Variants in ANGPT1 observed in about 807,000 individuals in gnomAD.
ANGPT1 encodes angiopoietin 1, also known as angiopoietin-1.
A neutral mutation model predicts 62.2 loss-of-function variants in ANGPT1; 17 were observed. That is an observed-to-expected ratio of 0.27 (90% CI 0.19 to 0.41). ANGPT1 has a LOEUF of 0.41. Among genes scored for constraint, ANGPT1 ranks in the 10% least tolerant of loss-of-function variants. The probability of loss-of-function intolerance (pLI) is 1.00; values close to 1 mark genes in which losing one functional copy is unlikely to be tolerated. For missense variants in ANGPT1, 478 were observed against 594.9 expected, an observed-to-expected ratio of 0.80 and a Z score of 2.04; for synonymous variants, 199 against 198.9, an observed-to-expected ratio of 1.00 and a Z score of 0.00.
intron 1 of ANGPT1, among the ~76,000 whole-genome samples, chr8:107,383,815 G>A (rs1464963183): frequency 4.6e-5 from 7 of 152,204 alleles, no homozygotes; most frequent in South Asian, 4.1e-4. Context: ...CAAGCATATT[G>A]TTCTATTGTT....
chr8:107,394,306 T>C (rs977438502), intron 1 of ANGPT1, among the ~76,000 whole-genome samples: 30 of 152,144 alleles, frequency 2.0e-4, no homozygotes, highest in African/African-American at 6.8e-4. Flanking sequence ...AGTTGACTCT[T>C]ACTAGAATAT....
At chr8:107,417,118 GAGA>G (rs1203193090) in intron 1 of ANGPT1, among the ~76,000 whole-genome samples, 4 of 152,098 alleles carry the variant, frequency 2.6e-5, no homozygotes, top group Non-Finnish European at 4.4e-5. Flanking sequence ...CTCAAAGACA[GAGA>G]AGATTAGAGT....
intron 1 of ANGPT1, among the ~76,000 whole-genome samples, chr8:107,403,045 T>A (rs934954135): frequency 2.0e-5 from 3 of 152,166 alleles, no homozygotes; most frequent in Non-Finnish European, 2.9e-5. Context: ...CCAATAGTTG[T>A]TTTTCAGCCC....
intron 1 of ANGPT1, among the ~76,000 whole-genome samples, chr8:107,425,853 T>C (rs1166923021): frequency 6.6e-6 from 1 of 152,158 alleles, no homozygotes; most frequent in Admixed American, 6.5e-5. Context: ...AATCTTGGTA[T>C]CCTTTTCAAC....
At chr8:107,493,940 G>T (rs1011816448) in intron 1 of ANGPT1, among the ~76,000 whole-genome samples, 10 of 150,418 alleles carry the variant, frequency 6.6e-5, no homozygotes, top group African/African-American at 2.5e-4. Context: ...AAAAAATGTT[G>T]TCAATAGAAA....
chr8:107,304,196 A>G (rs1371685156), intron 4 of ANGPT1, among the ~76,000 whole-genome samples: 1 of 151,758 alleles, frequency 6.6e-6, no homozygotes, highest in African/African-American at 2.4e-5. Flanking sequence ...GACTGTCTCT[A>G]CTGAGGAAAA....
chr8:107,456,193 C>T (rs747913392), intron 1 of ANGPT1, among the ~76,000 whole-genome samples: 3 of 152,078 alleles, frequency 2.0e-5, no homozygotes, highest in Non-Finnish European at 2.9e-5. Context: ...ATTTGGTCAA[C>T]GTTAAAACAG....
chr8:107,412,007 T>A (rs2130357503), intron 1 of ANGPT1, among the ~76,000 whole-genome samples: 1 of 152,272 alleles, frequency 6.6e-6, no homozygotes, highest in African/African-American at 2.4e-5. Context: ...ATAATTAGTT[T>A]TTCTTTGAAG....
intron 1 of ANGPT1, among the ~76,000 whole-genome samples, chr8:107,443,387 C>T (rs765982036): frequency 3.5e-4 from 54 of 152,134 alleles, no homozygotes; most frequent in Non-Finnish European, 8.8e-5. Flanking sequence ...AGTTAATTAG[C>T]TAATGTTAGG....
chr8:107,310,187 G>A (rs2130006519), intron 4 of ANGPT1, among the ~76,000 whole-genome samples: 1 of 152,128 alleles, frequency 6.6e-6, no homozygotes, highest in African/African-American at 2.4e-5. Flanking sequence ...CACTTACTAT[G>A]TGGTAAACTC....
intron 1 of ANGPT1, among the ~76,000 whole-genome samples, chr8:107,465,354 G>A (rs1812173364): frequency 6.6e-6 from 1 of 152,090 alleles, no homozygotes; most frequent in Non-Finnish European, 1.5e-5. Context: ...TCCAGGTCTG[G>A]AAATGTTGTT....
intron 1 of ANGPT1, among the ~76,000 whole-genome samples, chr8:107,417,884 G>A (rs1810793978): frequency 6.6e-6 from 1 of 152,190 alleles, no homozygotes; most frequent in Admixed American, 6.5e-5. Context: ...TAAGTCTACA[G>A]TGTGAAATGA....
chr8:107,421,259 A>G (rs1223956024), intron 1 of ANGPT1, among the ~76,000 whole-genome samples: 1 of 152,192 alleles, frequency 6.6e-6, no homozygotes, highest in Admixed American at 6.6e-5. Flanking sequence ...ATTGTGAGTG[A>G]AAAATTGTCT....
rs78888778 is a variant in ANGPT1, at chr8:107,449,643, C to T, written c.297+47619G>A. On this transcript the variant is annotated intron_variant, in intron 1 of 8. Coordinates refer to ENST00000517746, the MANE Select transcript of ANGPT1 (RefSeq NM_001146.5). ...TTACCACTTCATCAAACTTTGTAGC[C>T]AGATGTACCTTACCTTGGAATAACT... Among the ~76,000 whole-genome samples, 1,171 of 152,124 alleles carry T rather than the reference C, an allele frequency of 7.7e-3. 15 individuals carry two copies. Among genetic ancestry groups the T allele is most frequent in the African/African-American group, 0.027 (1,128 of 41,528 alleles).
intron 1 of ANGPT1, among the ~76,000 whole-genome samples, chr8:107,388,069 A>C (rs1013108899): frequency 1.3e-5 from 2 of 151,580 alleles, no homozygotes; most frequent in Non-Finnish European, 2.9e-5. Context: ...ATGAGATGAA[A>C]ATTTTTTTAT....
chr8:107,442,391 T>C (rs1335025288), intron 1 of ANGPT1, among the ~76,000 whole-genome samples: 1 of 152,226 alleles, frequency 6.6e-6, no homozygotes, highest in Non-Finnish European at 1.5e-5. Context: ...CCATCTAATC[T>C]AGTTTCAAGT....
chr8:107,327,639 T>C (rs1041657442), intron 3 of ANGPT1, among the ~76,000 whole-genome samples: 9 of 152,222 alleles, frequency 5.9e-5, no homozygotes, highest in Middle Eastern at 6.8e-3. Context: ...CAACACTTTA[T>C]GAAACCATGC....
At chr8:107,265,193 T>A (rs1348663212) in intron 7 of ANGPT1, among the ~76,000 whole-genome samples, 2 of 152,100 alleles carry the variant, frequency 1.3e-5, no homozygotes, top group Non-Finnish European at 2.9e-5. Flanking sequence ...GATGTGCATA[T>A]AACAAATCAT....
At chr8:107,337,698 A>G (rs545234796) in intron 2 of ANGPT1, among the ~76,000 whole-genome samples, 75 of 152,300 alleles carry the variant, frequency 4.9e-4, no homozygotes, top group Non-Finnish European at 9.3e-4. Flanking sequence ...GTCAATATCA[A>G]TGTAAAGTTC....
Sources: gnomAD v4.1 joint callset for allele counts (sites outside exome capture counted in the v4.1 genomes callset) on GRCh38, gnomAD v4.1.1 for gene constraint, MANE v1.5 for transcripts, NCBI Gene and HGNC (gene_info 2026-07-23, HGNC 2026-07-21) for gene names.